Variants in ASCC1 observed in about 807,000 individuals in gnomAD.
ASCC1 encodes the protein ASC-1 complex subunit P50.
A neutral mutation model predicts 46.6 loss-of-function variants in ASCC1; 35 were observed. That is an observed-to-expected ratio of 0.75 (90% CI 0.57 to 0.99). The LOEUF (loss-of-function observed/expected upper bound fraction) is 0.99. Ranked by LOEUF, ASCC1 falls within the 50% of genes least tolerant of loss-of-function variation. The pLI, the probability that ASCC1 is intolerant of heterozygous loss-of-function variation, is 0.00. For missense variants in ASCC1, 376 were observed against 428.7 expected (o/e 0.88, Z 1.09); for synonymous variants, 143 against 146.6 (o/e 0.98, Z 0.18).
intron 9 of ASCC1, among the ~76,000 whole-genome samples, chr10:72,121,136 C>T (rs1339994142): frequency 2.6e-5 from 4 of 151,448 alleles, no homozygotes; most frequent in South Asian, 2.1e-4. Context: ...TATAAGAGAC[C>T]GACTTTTTAT....
At chr10:72,120,763 G>C (rs1008413711) in intron 9 of ASCC1, among the ~76,000 whole-genome samples, 7 of 152,124 alleles carry the variant, frequency 4.6e-5, no homozygotes, top group Admixed American at 4.6e-4. Flanking sequence ...CAATCAAAAA[G>C]AGAGTGGAGT....
At chr10:72,123,146 G>A (rs180984509) in intron 9 of ASCC1, among the ~76,000 whole-genome samples, 1 of 151,978 alleles carries the variant, frequency 6.6e-6, no homozygotes, top group Non-Finnish European at 1.5e-5. Context: ...GACCATCCTG[G>A]CCAACATGGT....
intron 6 of ASCC1, among the ~76,000 whole-genome samples, chr10:72,160,051 C>A (rs1849457808): frequency 1.3e-5 from 2 of 151,980 alleles, no homozygotes; most frequent in Admixed American, 6.6e-5. Context: ...ACTACAGGTG[C>A]CTGCCACCAT....
At chr10:72,137,665 G>A (rs1355436750) in intron 7 of ASCC1, among the ~76,000 whole-genome samples, 1 of 151,558 alleles carries the variant, frequency 6.6e-6, no homozygotes, top group Non-Finnish European at 1.5e-5. Context: ...AATAATACAA[G>A]CTCATTATAG....
At chr10:72,131,191 C>A (rs769745342) in intron 8 of ASCC1, among the ~76,000 whole-genome samples, 32 of 152,234 alleles carry the variant, frequency 2.1e-4, no homozygotes, top group Non-Finnish European at 3.8e-4. Flanking sequence ...GAGGCCGAGG[C>A]AGGTGGATCA....
intron 6 of ASCC1, among the ~76,000 whole-genome samples, chr10:72,156,631 G>C (rs922318510): frequency 6.6e-6 from 1 of 152,070 alleles, no homozygotes; most frequent in South Asian, 2.1e-4. Context: ...AACTAGCCGG[G>C]CGTGGTGGCG....
At chr10:72,138,422 C>G (rs1312570958) in intron 7 of ASCC1, among the ~76,000 whole-genome samples, 2 of 152,016 alleles carry the variant, frequency 1.3e-5, no homozygotes, top group African/African-American at 2.4e-5. Context: ...GGATTTCTGA[C>G]AATTTACAGA....
chr10:72,157,091 G>A (rs1016712046), intron 6 of ASCC1, among the ~76,000 whole-genome samples: 5 of 152,136 alleles, frequency 3.3e-5, no homozygotes, highest in African/African-American at 1.2e-4. Context: ...ACAGGCATGA[G>A]CCACTGCGCC....
At chr10:72,108,056 TTC>T (rs1295995322) in intron 9 of ASCC1, among the ~76,000 whole-genome samples, 4 of 147,540 alleles carry the variant, frequency 2.7e-5, no homozygotes, top group Non-Finnish European at 6.0e-5. Context: ...GTTAAATACT[TTC>T]TTTTTCTTTT....
At chr10:72,207,571 T>C (rs1220726759) in intron 3 of ASCC1, among the ~76,000 whole-genome samples, 5 of 152,180 alleles carry the variant, frequency 3.3e-5, no homozygotes, top group Non-Finnish European at 7.3e-5. Context: ...CAAATAGTGA[T>C]ACCTGGGTCC....
At chr10:72,131,689 C>A (rs1180536820) in intron 8 of ASCC1, among the ~76,000 whole-genome samples, 1 of 152,050 alleles carries the variant, frequency 6.6e-6, no homozygotes, top group Non-Finnish European at 1.5e-5. Context: ...TTTCTTGGTC[C>A]TACCATGACT....
intron 7 of ASCC1, among the ~76,000 whole-genome samples, chr10:72,150,399 A>AT (rs1848189280): frequency 6.6e-6 from 1 of 152,150 alleles, no homozygotes; most frequent in South Asian, 2.1e-4. Flanking sequence ...AGAGAATCAG[A>AT]TTTTCTCTAG....
chr10:72,175,018 CTT>C, intron 5 of ASCC1, among the ~76,000 whole-genome samples: 1 of 152,152 alleles, frequency 6.6e-6, no homozygotes, highest in Non-Finnish European at 1.5e-5. Context: ...GTTGTATTTT[CTT>C]TCTTTTTTTA....
At chr10:72,179,112 TTTGTTGTTGTTG>T (rs1284786713) in intron 5 of ASCC1, among the ~76,000 whole-genome samples, 1 of 151,992 alleles carries the variant, frequency 6.6e-6, no homozygotes, top group East Asian at 1.9e-4. Flanking sequence ...GCTGCTTGTT[TTTGTTGTTGTTG>T]TTGTTGTTTC....
At chr10:72,123,566 A>G (rs1293680195) in intron 9 of ASCC1, among the ~76,000 whole-genome samples, 2 of 152,124 alleles carry the variant, frequency 1.3e-5, no homozygotes, top group African/African-American at 2.4e-5. Context: ...TTTCTGCTCA[A>G]TTTTGCTGTG....
intron 5 of ASCC1, among the ~76,000 whole-genome samples, chr10:72,181,897 G>T (rs1008160527): frequency 3.3e-5 from 5 of 151,902 alleles, no homozygotes; most frequent in Admixed American, 3.3e-4. Context: ...TGTTGGCCAG[G>T]GTGGTCTCAA....
At chr10:72,186,596 C>T (rs1328680066) in intron 5 of ASCC1, among the ~76,000 whole-genome samples, 1 of 152,168 alleles carries the variant, frequency 6.6e-6, no homozygotes, top group East Asian at 1.9e-4. Flanking sequence ...AAAGTGCCTA[C>T]AGGCTTTCAT....
intron 5 of ASCC1, among the ~76,000 whole-genome samples, chr10:72,191,629 T>C (rs1854517432): frequency 6.6e-6 from 1 of 151,750 alleles, no homozygotes; most frequent in Non-Finnish European, 1.5e-5. Context: ...AAAACCTTCA[T>C]ATTTGAGGGT....
intron 5 of ASCC1, among the ~76,000 whole-genome samples, chr10:72,169,173 G>A (rs1405709301): frequency 6.6e-6 from 1 of 152,178 alleles, no homozygotes; most frequent in East Asian, 1.9e-4. Flanking sequence ...TGCAGGACAG[G>A]GCGGGTTGCC....
Sources: allele counts gnomAD v4.1 joint callset (sites outside exome capture counted in the v4.1 genomes callset), GRCh38; gene constraint gnomAD v4.1.1; transcripts MANE v1.5; gene names NCBI Gene and HGNC (gene_info 2026-07-23, HGNC 2026-07-21).